Variants in TMPRSS15 observed in about 807,000 individuals in gnomAD.
TMPRSS15 encodes the protein transmembrane serine protease 15, also known as enteropeptidase.
TMPRSS15 carries 128 observed loss-of-function variants against 125.3 expected under a neutral mutation model. That is an observed-to-expected ratio of 1.02 (90% confidence interval 0.89 to 1.18). The LOEUF (loss-of-function observed/expected upper bound fraction) is 1.18. Ranked by LOEUF, TMPRSS15 falls within the 50% of genes most tolerant of loss-of-function variation. TMPRSS15 has a pLI of 0.00. For synonymous variants in TMPRSS15, 446 were observed against 423.2 expected, an observed-to-expected ratio of 1.05 and a Z score of -0.66; for missense variants, 1,283 against 1,212.7, an observed-to-expected ratio of 1.06 and a Z score of -0.86.
chr21:18,344,033 G>T lies in TMPRSS15; in HGVS notation c.1199C>A (p.Pro400Gln), dbSNP rs953907036. 9.9e-6 allele frequency: 16 copies of T among 1,613,756 alleles called. No homozygotes were observed. Among genetic ancestry groups the T allele is most frequent in the Non-Finnish European group, 1.4e-5 (16 of 1,179,942 alleles). Reference protein sequence around the residue: ...SGFYISTPTGPGGRQERVGLL... With the variant: ...SGFYISTPTGQGGRQERVGLL... The stretch of plus-strand genomic sequence containing the variant: ...CCCCACTCGTTCTTGTCTCCCTCCT[G>T]GTCCAGTTGGGGTAGAAATGTAAAA... Residue 400 changes from proline to glutamine, a missense_variant, in exon 11 of 25, where the codon CCA becomes CAA. Transcript: ENST00000284885.
rs1261829662 is a variant in TMPRSS15, at chr21:18,352,938, C to G, written c.1136G>C (p.Gly379Ala). 1 of 1,612,178 alleles carries G rather than the reference C, an allele frequency of 6.2e-7. No individual in the cohort carries two copies. Among genetic ancestry groups the G allele is most frequent in the East Asian group, 2.2e-5 (1 of 44,746 alleles). Residue 379 changes from glycine (G) to alanine (A), a missense_variant, in exon 10 of 25, where the codon GGA becomes GCA. Transcript: ENST00000284885. Reference protein sequence around the residue: ...IQGSTFSPFTGPNFDHTFGNA... With the variant: ...IQGSTFSPFTAPNFDHTFGNA... ...GCCAAAAGTGTGGTCAAAATTGGGT[C>G]CAGTAAAAGGAGAAAAGGTGCTTCC...
intron 1 of TMPRSS15, among the ~76,000 whole-genome samples, chr21:18,450,876 T>C (rs1006961658): frequency 2.0e-5 from 3 of 152,306 alleles, no homozygotes; most frequent in Admixed American, 2.0e-4. Context: ...GATTCATATA[T>C]ACACCGTCAA....
chr21:18,352,529 G>C (rs960982886), intron 10 of TMPRSS15, among the ~76,000 whole-genome samples: 13 of 151,984 alleles, frequency 8.6e-5, no homozygotes, highest in Non-Finnish European at 1.9e-4. Flanking sequence ...CTGTGCATTA[G>C]CAATGTACAA....
At chr21:18,280,984 T>C in intron 22 of TMPRSS15, 56 bp downstream of exon 22, 1 of 1,545,262 alleles carries the variant, frequency 6.5e-7, no homozygotes, top group Non-Finnish European at 8.9e-7. Flanking sequence ...ATTTGAAATC[T>C]AGTTTTGAAT....
chr21:18,380,747 T>C (rs752109092), intron 4 of TMPRSS15, among the ~76,000 whole-genome samples: 6 of 152,166 alleles, frequency 3.9e-5, no homozygotes, highest in Non-Finnish European at 5.9e-5. Flanking sequence ...TTGGTTGTAA[T>C]ACATTTGATA....
At chr21:18,481,536 G>A (rs1362270342) in intron 1 of TMPRSS15, among the ~76,000 whole-genome samples, 1 of 151,622 alleles carries the variant, frequency 6.6e-6, no homozygotes, top group African/African-American at 2.4e-5. Context: ...GGCATTGCAC[G>A]TTAAACTTTG....
At chr21:18,485,050 G>A (rs977195402) in intron 1 of TMPRSS15, among the ~76,000 whole-genome samples, 2 of 151,512 alleles carry the variant, frequency 1.3e-5, no homozygotes, top group Non-Finnish European at 3.0e-5. Flanking sequence ...TGTTATTTGT[G>A]TTTTAATGTT....
rs565791102 is a variant in TMPRSS15 at position 18,393,808 on chromosome 21, G to T, written c.344+4071C>A. 2.0e-3 allele frequency among the ~76,000 whole-genome samples: 304 copies of T among 152,146 alleles called. 1 individual carries two copies. The highest frequency in any genetic ancestry group is 3.9e-3 in the Non-Finnish European group (262 of 67,978). On this transcript the variant is annotated intron_variant, in intron 3 of 24. Coordinates refer to ENST00000284885, the MANE Select transcript of TMPRSS15 (RefSeq NM_002772.3). ...AACCCAAAGGTGCCCTTTGTAAGTA[G>T]GCAATTAAAAACCAAATAGCCTATC...
chr21:18,345,469 C>T (rs547987279), intron 10 of TMPRSS15, among the ~76,000 whole-genome samples: 81 of 151,920 alleles, frequency 5.3e-4, no homozygotes, highest in African/African-American at 1.7e-3. Flanking sequence ...TGGCTGGGAG[C>T]GGTGGCTCAC....
intron 1 of TMPRSS15, among the ~76,000 whole-genome samples, chr21:18,426,910 A>G (rs938810663): frequency 3.3e-5 from 5 of 152,232 alleles, no homozygotes; most frequent in African/African-American, 1.2e-4. Flanking sequence ...AAAGAACAAA[A>G]AATGTCTCAG....
intron 10 of TMPRSS15, among the ~76,000 whole-genome samples, chr21:18,350,565 C>A (rs1191985605): frequency 6.6e-6 from 1 of 152,084 alleles, no homozygotes; most frequent in Non-Finnish European, 1.5e-5. Flanking sequence ...CTGGAATAAT[C>A]TGTGTGGCTA....
chr21:18,480,487 A>G (rs1037001438), intron 1 of TMPRSS15, among the ~76,000 whole-genome samples: 14 of 152,016 alleles, frequency 9.2e-5, no homozygotes, highest in African/African-American at 3.4e-4. Flanking sequence ...ATGTACAAAC[A>G]TATTTTTTAT....
intron 1 of TMPRSS15, among the ~76,000 whole-genome samples, chr21:18,482,545 C>T (rs901354690): frequency 1.3e-5 from 2 of 151,398 alleles, no homozygotes; most frequent in African/African-American, 4.8e-5. Flanking sequence ...CACATGCACC[C>T]CATAAATAAG....
chr21:18,276,571 T>C (rs2146858864), intron 23 of TMPRSS15, among the ~76,000 whole-genome samples: 1 of 152,254 alleles, frequency 6.6e-6, no homozygotes, highest in East Asian at 1.9e-4. Context: ...TTGTCAATGA[T>C]TTAAAATTTG....
intron 21 of TMPRSS15, among the ~76,000 whole-genome samples, chr21:18,286,278 T>C (rs1475802994): frequency 6.6e-6 from 1 of 152,218 alleles, no homozygotes; most frequent in African/African-American, 2.4e-5. Flanking sequence ...CTTTTATATC[T>C]ACACTGGCCT....
At chr21:18,459,366 C>A (rs1449769721) in intron 1 of TMPRSS15, among the ~76,000 whole-genome samples, 1 of 151,910 alleles carries the variant, frequency 6.6e-6, no homozygotes, top group Admixed American at 6.6e-5. Flanking sequence ...CTCTGCCTCC[C>A]AAGTTCAAGC....
chr21:18,331,060 G>A (rs1044635079), intron 14 of TMPRSS15, among the ~76,000 whole-genome samples: 6 of 131,272 alleles, frequency 4.6e-5, no homozygotes, highest in Admixed American at 3.3e-4. Context: ...GCGACAGAGC[G>A]AGACTCCATC....
At chr21:18,310,673 C>A (rs1263987469) in intron 18 of TMPRSS15, among the ~76,000 whole-genome samples, 2 of 151,896 alleles carry the variant, frequency 1.3e-5, no homozygotes, top group African/African-American at 4.8e-5. Context: ...CAATCCCTAT[C>A]AAAACACCAA....
chr21:18,274,081 G>A (rs781400406), intron 24 of TMPRSS15, among the ~76,000 whole-genome samples: 3 of 152,154 alleles, frequency 2.0e-5, no homozygotes, highest in Admixed American at 6.5e-5. Context: ...CGTTTGGTCA[G>A]TAATGCTAGC....
Sources: gnomAD v4.1 joint callset for allele counts (sites outside exome capture counted in the v4.1 genomes callset) on GRCh38, gnomAD v4.1.1 for gene constraint, MANE v1.5 for transcripts, NCBI Gene and HGNC (gene_info 2026-07-23, HGNC 2026-07-21) for gene names.